The following CCDC92B variants were observed in gnomAD, a reference collection of about 807,000 sequenced individuals.
CCDC92B encodes coiled-coil domain containing 92B.
A neutral mutation model predicts 5.6 loss-of-function variants in CCDC92B; 2 were observed. The observed-to-expected ratio is 0.36, with a 90% CI of 0.15 to 1.12. CCDC92B has a LOEUF of 1.12. Ranked by LOEUF, CCDC92B falls within the 50% of genes most tolerant of loss-of-function variation. The pLI, the probability that CCDC92B is intolerant of heterozygous loss-of-function variation, is 0.40. For missense variants in CCDC92B, 271 were observed against 262.2 expected, an observed-to-expected ratio of 1.03 and a Z score of -0.23; for synonymous variants, 115 against 122.3, an observed-to-expected ratio of 0.94 and a Z score of 0.39.
chr17:2,737,102 C>T (rs890120991), intron 1 of CCDC92B, among the ~76,000 whole-genome samples: 7 of 152,004 alleles, frequency 4.6e-5, no homozygotes, highest in African/African-American at 1.7e-4. Context: ...TTCCCCATGA[C>T]TCTGTTCTGT....
intron 3 of CCDC92B, among the ~76,000 whole-genome samples, chr17:2,729,170 C>A (rs1029639278): frequency 2.0e-5 from 3 of 152,198 alleles, no homozygotes; most frequent in Middle Eastern, 6.8e-3. Flanking sequence ...CCACACCTGG[C>A]CTTGTGATTC....
chr17:2,724,192 G>A lies in CCDC92B; in HGVS notation c.*219C>T. On this transcript the variant is annotated 3_prime_UTR_variant, in exon 4 of 4. Coordinates refer to ENST00000614400, the MANE Select transcript of CCDC92B (RefSeq NM_001355573.2). This position sits in a 1 kb window ranked among gnomAD's most constrained non-coding sequence, Gnocchi z 5.0. ...AGAAGGTGCCCCCGCTCGGCCCCGC[G>A]GAGGAACTCTCGCGCGAGGAGAGGG... 1 of 985,414 alleles carries A rather than the reference G, an allele frequency of 1.0e-6. No homozygotes were observed. The highest frequency in any genetic ancestry group is 1.2e-6 in the Non-Finnish European group (1 of 829,916). The allele number at this position is 985,414 out of a possible 1,614,324, so 61.0% of individuals were successfully genotyped here.
At chr17:2,744,604 G>A (rs371100700) in intron 1 of CCDC92B, among the ~76,000 whole-genome samples, 1 of 152,182 alleles carries the variant, frequency 6.6e-6, no homozygotes, top group South Asian at 2.1e-4. Flanking sequence ...GTGGCAAACA[G>A]GAAGTACTCA....
At position 2,723,201 on chromosome 17, in the gene CCDC92B, G is replaced by C. The variant is rs1224707829; in HGVS notation, c.*1210C>G. The C allele has an allele frequency of 2.0e-5, 3 of 152,406 alleles. No individual in the cohort carries two copies. The highest frequency in any genetic ancestry group is 4.4e-5 in the Non-Finnish European group (3 of 68,406). 9.4% of individuals were successfully genotyped at this position (152,406 alleles called of 1,614,324 possible). Reference sequence around the variant, plus strand: ...AAGCCAGGCCCTTCTTCTTTTTTTCGTTTTTGAGACGGAGTTTTGCTCTTG... The same window carrying C: ...AAGCCAGGCCCTTCTTCTTTTTTTCCTTTTTGAGACGGAGTTTTGCTCTTG... On this transcript the variant is annotated 3_prime_UTR_variant, in exon 4 of 4. Transcript: ENST00000614400.
chr17:2,730,568 A>T (rs74572250), intron 2 of CCDC92B, 75 bp from the exon 3 acceptor site: 24,000 of 251,904 alleles, frequency 0.095, 740 homozygotes, highest in African/African-American at 0.2. Flanking sequence ...TGTGTGAGAG[A>T]GAGAGAGAGA....
intron 3 of CCDC92B, among the ~76,000 whole-genome samples, chr17:2,728,613 A>AC (rs1257822931): frequency 1.3e-5 from 2 of 151,874 alleles, no homozygotes; most frequent in African/African-American, 2.4e-5. Context: ...AAAAAAAAAA[A>AC]ACAAAAAAAA....
At chr17:2,735,822 G>T (rs1007219456) in intron 1 of CCDC92B, among the ~76,000 whole-genome samples, 1 of 152,188 alleles carries the variant, frequency 6.6e-6, no homozygotes, top group African/African-American at 2.4e-5. Flanking sequence ...GTTCTAGCCT[G>T]CTCCTCCCGC....
At chr17:2,731,291 A>C (rs751413724) in intron 2 of CCDC92B, among the ~76,000 whole-genome samples, 7 of 151,948 alleles carry the variant, frequency 4.6e-5, no homozygotes, top group Non-Finnish European at 1.0e-4. Context: ...GTGTCCCCCA[A>C]GCCCCATTTC....
chr17:2,725,805 G>A (rs1342451881), intron 3 of CCDC92B, among the ~76,000 whole-genome samples: 1 of 151,826 alleles, frequency 6.6e-6, no homozygotes, highest in African/African-American at 2.4e-5. Context: ...CCCAGCAGAA[G>A]AGACTTGAGC....
chr17:2,737,950 C>T (rs955583710), intron 1 of CCDC92B, among the ~76,000 whole-genome samples: 9 of 152,004 alleles, frequency 5.9e-5, no homozygotes, highest in Admixed American at 1.3e-4. Flanking sequence ...AAAGGGCTCT[C>T]GTACCGCTTC....
At chr17:2,741,693 CCT>C (rs1199388900) in intron 1 of CCDC92B, among the ~76,000 whole-genome samples, 2 of 147,792 alleles carry the variant, frequency 1.4e-5, no homozygotes, top group African/African-American at 2.5e-5. Flanking sequence ...CCCGGGTTCG[CCT>C]CATTCTCCTG....
rs1306149780 is a variant in CCDC92B at position 2,742,506 on chromosome 17, T to C, written c.-24+6905A>G. Among the ~76,000 whole-genome samples the C allele has an allele frequency of 2.6e-5, 4 of 152,240 alleles. No individual in the cohort carries two copies. In the East Asian group the frequency reaches 7.7e-4, roughly 29 times the overall value. ...GGAGATGGATTGGATTAATTCATGATGATAGGGAGGGGGATGGCTAAGATA... is the reference window on the plus strand; with the variant it reads ...GGAGATGGATTGGATTAATTCATGACGATAGGGAGGGGGATGGCTAAGATA... On this transcript the variant is annotated intron_variant, in intron 1 of 3. Transcript: ENST00000614400.
rs1037315039 is a variant in CCDC92B, at chr17:2,724,196, G to A, written c.*215C>T. ...GGTGCCCCCGCTCGGCCCCGCGGAG[G>A]AACTCTCGCGCGAGGAGAGGGCTCG... On this transcript the variant is annotated 3_prime_UTR_variant, in exon 4 of 4. Coordinates refer to ENST00000614400, the MANE Select transcript of CCDC92B (RefSeq NM_001355573.2). The surrounding 1 kb of genome is among the most constrained non-coding windows in gnomAD (Gnocchi z 5.0). 11 of 985,198 alleles carry A rather than the reference G, an allele frequency of 1.1e-5. No individual in the cohort carries two copies. Among genetic ancestry groups the A allele is most frequent in the Non-Finnish European group, 1.2e-5 (10 of 829,892 alleles). 61.0% of individuals were successfully genotyped at this position (985,198 alleles called of 1,614,324 possible).
chr17:2,734,329 C>G (rs2070834018), intron 2 of CCDC92B, among the ~76,000 whole-genome samples: 1 of 152,072 alleles, frequency 6.6e-6, no homozygotes, highest in Non-Finnish European at 1.5e-5. Flanking sequence ...CATGCTCCTG[C>G]CCATGAGGTC....
chr17:2,726,592 C>T (rs140512458), intron 3 of CCDC92B, among the ~76,000 whole-genome samples: 149 of 152,094 alleles, frequency 9.8e-4, no homozygotes, highest in African/African-American at 3.4e-3. Context: ...GCTGGGATTA[C>T]AGGCGTGAGC....
At chr17:2,731,721 G>T (rs2070796879) in intron 2 of CCDC92B, among the ~76,000 whole-genome samples, 1 of 152,198 alleles carries the variant, frequency 6.6e-6, no homozygotes, top group Non-Finnish European at 1.5e-5. Flanking sequence ...GTTCCCTGAG[G>T]CACCTGTGAG....
intron 1 of CCDC92B, among the ~76,000 whole-genome samples, chr17:2,741,079 G>T (rs141423404): frequency 5.3e-5 from 8 of 151,458 alleles, no homozygotes; most frequent in African/African-American, 1.9e-4. Flanking sequence ...GTTACACAGC[G>T]ATAAAAAACT....
At position 2,724,161 on chromosome 17, in the gene CCDC92B, C is replaced by G. The variant is rs937850646; in HGVS notation, c.*250G>C. On this transcript the variant is annotated 3_prime_UTR_variant, in exon 4 of 4. Coordinates refer to ENST00000614400, the MANE Select transcript of CCDC92B (RefSeq NM_001355573.2). The surrounding 1 kb of genome is among the most constrained non-coding windows in gnomAD (Gnocchi z 5.0). ...CCAGGATCGGGACGGCGAGTCCTCTCGGTAGAGAAGGTGCCCCCGCTCGGC... is the reference window on the plus strand; with the variant it reads ...CCAGGATCGGGACGGCGAGTCCTCTGGGTAGAGAAGGTGCCCCCGCTCGGC... 2.0e-6 allele frequency: 2 copies of G among 985,368 alleles called. No individual in the cohort carries two copies. Among genetic ancestry groups the G allele is most frequent in the Non-Finnish European group, 2.4e-6 (2 of 829,904 alleles). 61.0% of individuals were successfully genotyped at this position (985,368 alleles called of 1,614,324 possible). A position where few individuals can be genotyped will look rare whatever the true frequency, so the allele number is the denominator to read the frequency against.
At chr17:2,731,009 T>G (rs1478763284) in intron 2 of CCDC92B, among the ~76,000 whole-genome samples, 1 of 152,222 alleles carries the variant, frequency 6.6e-6, no homozygotes, top group Admixed American at 6.5e-5. Flanking sequence ...TTTCACTATT[T>G]TGACAGCCAG....
Sources: gnomAD v4.1 joint callset for allele counts (sites outside exome capture counted in the v4.1 genomes callset) on GRCh38, gnomAD v4.1.1 for gene constraint, Gnocchi (gnomAD v3.1) non-coding constraint, MANE v1.5 for transcripts, NCBI Gene and HGNC (gene_info 2026-07-23, HGNC 2026-07-21) for gene names.